TAF2: variants seen among roughly 807,000 people sequenced by gnomAD.
The protein encoded by TAF2 is transcription initiation factor TFIID subunit 2.
Under a neutral mutation model 138.5 loss-of-function variants are expected in TAF2, and 61 were observed. The observed-to-expected ratio is 0.44, with a 90% CI of 0.36 to 0.54. TAF2 has a LOEUF of 0.54. Ranked by LOEUF, TAF2 falls within the 20% of genes least tolerant of loss-of-function variation. The pLI is 0.00. For synonymous variants in TAF2, 475 were observed against 469.9 expected, an observed-to-expected ratio of 1.01 and a Z score of -0.14; for missense variants, 1,090 against 1,427.9, an observed-to-expected ratio of 0.76 and a Z score of 3.81.
Position 119,819,526 on chromosome 8 carries a change from C to T in TAF2, c.139-20G>A. 1 of 1,585,668 alleles carries T rather than the reference C, an allele frequency of 6.3e-7. No individual in the cohort carries two copies. Among genetic ancestry groups the T allele is most frequent in the Middle Eastern group, 1.7e-4 (1 of 5,952 alleles). The stretch of plus-strand genomic sequence containing the variant: ...AAATCCCTGTAAAGATAGAGAATAA[C>T]AACTTCATTATAAAGACTGGTATGT... On this transcript the variant is annotated intron_variant, in intron 2 of 25. Coordinates refer to ENST00000378164, the MANE Select transcript of TAF2 (RefSeq NM_003184.4).
At chr8:119,737,951 T>C (rs1047364185) in intron 25 of TAF2, among the ~76,000 whole-genome samples, 3 of 152,260 alleles carry the variant, frequency 2.0e-5, no homozygotes, top group African/African-American at 7.2e-5. Context: ...TACACAAATA[T>C]GTTAATTGGC....
intron 3 of TAF2, among the ~76,000 whole-genome samples, chr8:119,807,832 G>C (rs1824769872): frequency 6.6e-6 from 1 of 152,162 alleles, no homozygotes; most frequent in Non-Finnish European, 1.5e-5. Context: ...TGAGGCACGA[G>C]AATCACTTGA....
intron 18 of TAF2, among the ~76,000 whole-genome samples, chr8:119,774,308 T>C (rs1822064023): frequency 6.6e-6 from 1 of 152,186 alleles, no homozygotes; most frequent in Non-Finnish European, 1.5e-5. Context: ...AGTGTCTGAC[T>C]TAGAGAAAGA....
At chr8:119,787,861 G>A (rs544439370) in intron 14 of TAF2, among the ~76,000 whole-genome samples, 5 of 152,250 alleles carry the variant, frequency 3.3e-5, no homozygotes, top group African/African-American at 7.2e-5. Flanking sequence ...ATGATAAACT[G>A]GATAAAGAAA....
intron 22 of TAF2, among the ~76,000 whole-genome samples, chr8:119,749,590 C>T (rs1483718232): frequency 6.6e-6 from 1 of 152,072 alleles, no homozygotes; most frequent in African/African-American, 2.4e-5. Context: ...TAATTAATTG[C>T]CTGTTAGCTC....
In TAF2 at chr8:119,758,251, G is replaced by C. The variant is rs368245311; in HGVS notation, c.2699-109C>G. On this transcript the variant is annotated intron_variant, in intron 20 of 25. Coordinates refer to ENST00000378164, the MANE Select transcript of TAF2 (RefSeq NM_003184.4). ...TAATATTTAGGACTCTGCCTTAGCT[G>C]AGTTTTCAATCAGAGTTGAAGGTTA... is the stretch of plus-strand genomic sequence containing the variant. The C allele has an allele frequency of 2.4e-5, 23 of 964,990 alleles. 1 individual carries two copies. The highest frequency in any genetic ancestry group is 1.6e-4 in the East Asian group (6 of 37,728). The allele number at this position is 964,990 out of a possible 1,614,324, so 59.8% of individuals were successfully genotyped here. A position where few individuals can be genotyped will look rare whatever the true frequency, so the allele number is the denominator to read the frequency against.
At chr8:119,801,674 C>CA in intron 6 of TAF2, 120 bp downstream of exon 6, 1 of 899,740 alleles carries the variant, frequency 1.1e-6, no homozygotes, top group East Asian at 2.5e-5. Flanking sequence ...GTGATCCGCC[C>CA]ACCTTGGCCT....
chr8:119,736,441 AC>A (rs909908678), intron 25 of TAF2, among the ~76,000 whole-genome samples: 1 of 152,236 alleles, frequency 6.6e-6, no homozygotes, highest in Admixed American at 6.5e-5. Flanking sequence ...TGTCAAATGA[AC>A]TCAGTCCAAA....
At chr8:119,807,948 A>G (rs2131225236) in intron 3 of TAF2, among the ~76,000 whole-genome samples, 1 of 152,302 alleles carries the variant, frequency 6.6e-6, no homozygotes, top group South Asian at 2.1e-4. Context: ...AAAAATAAAA[A>G]GACAAGTTCC....
chr8:119,832,313 C>T (rs1027472697), intron 1 of TAF2, among the ~76,000 whole-genome samples, 169 bp downstream of exon 1: 1 of 152,052 alleles, frequency 6.6e-6, no homozygotes. Context: ...TGCTGAATAA[C>T]CTGTCATTCA....
chr8:119,776,526 C>CAA lies in TAF2; in HGVS notation c.2364+1491_2364+1492dup, dbSNP rs148890953. 3.1e-4 allele frequency among the ~76,000 whole-genome samples: 43 copies of CAA among 138,492 alleles called. 1 individual carries two copies. Among genetic ancestry groups the CAA allele is most frequent in the African/African-American group, 7.1e-4 (27 of 38,258 alleles). 90.9% of individuals were successfully genotyped at this position (138,492 alleles called of 152,430 possible). A position where few individuals can be genotyped will look rare whatever the true frequency, so the allele number is the denominator to read the frequency against. ...TGAAACCCCGTCTCTACTAAAAATA[C>CAA]AAAAAAAAAAAAATTAGCCGGGCGT... On this transcript the variant is annotated intron_variant, in intron 18 of 25. Transcript: ENST00000378164.
Position 119,788,404 on chromosome 8 carries a change from T to C in TAF2, c.1727A>G (p.Asn576Ser), listed in dbSNP as rs1218625747. ...GTTTTCTTCAATTTGCAGTGTATGATTGAAGGATCCATCTAACTCCTGCAC... is the reference window on the plus strand; with the variant it reads ...GTTTTCTTCAATTTGCAGTGTATGACTGAAGGATCCATCTAACTCCTGCAC... ...VTVQELDGSF[N>S]HTLQIEENSL... Residue 576 changes from asparagine to serine, a missense_variant, in exon 14 of 26, where the codon AAT (asparagine) becomes AGT (serine). Asn to Ser is a conservative substitution (Grantham distance 46). This residue lies in a region of TAF2 where 504 missense variants were observed against 680.9 expected (regional missense o/e 0.74). Coordinates refer to ENST00000378164, the MANE Select transcript of TAF2 (RefSeq NM_003184.4). 19 of 1,613,600 alleles carry C rather than the reference T, an allele frequency of 1.2e-5. No homozygotes were observed. Among genetic ancestry groups the C allele is most frequent in the South Asian group, 3.3e-5 (3 of 91,072 alleles).
rs1476611831 is a variant in TAF2, at chr8:119,731,335, C to T, written c.*589G>A. 2 of 152,186 alleles carry T rather than the reference C, an allele frequency of 1.3e-5. No homozygotes were observed. Among genetic ancestry groups the T allele is most frequent in the Non-Finnish European group, 2.9e-5 (2 of 68,054 alleles). 9.4% of individuals were successfully genotyped at this position (152,186 alleles called of 1,614,324 possible). On this transcript the variant is annotated 3_prime_UTR_variant, in exon 26 of 26. Coordinates refer to ENST00000378164, the MANE Select transcript of TAF2 (RefSeq NM_003184.4). ...TTTTTTTAAAAAAGAATTGCTTCCC[C>T]AAATCTCAGTATTTTAGAGCAAAAG...
At chr8:119,782,216 A>G (rs1822713820) in intron 16 of TAF2, among the ~76,000 whole-genome samples, 1 of 152,192 alleles carries the variant, frequency 6.6e-6, no homozygotes, top group Non-Finnish European at 1.5e-5. Context: ...AGCCAAATAC[A>G]GTGCTACTAT....
intron 25 of TAF2, among the ~76,000 whole-genome samples, chr8:119,733,912 G>A (rs1209670330): frequency 6.6e-6 from 1 of 152,086 alleles, no homozygotes; most frequent in Non-Finnish European, 1.5e-5. Context: ...TCTGCCTGAA[G>A]TATCTTATGG....
chr8:119,763,724 C>T (rs1316975434), intron 18 of TAF2, among the ~76,000 whole-genome samples: 2 of 151,762 alleles, frequency 1.3e-5, no homozygotes, highest in South Asian at 2.1e-4. Context: ...AGCAGGACTC[C>T]GTCTCAAGTG....
At chr8:119,759,594 C>T (rs1309419580) in intron 20 of TAF2, among the ~76,000 whole-genome samples, 4 of 152,092 alleles carry the variant, frequency 2.6e-5, no homozygotes, top group African/African-American at 7.2e-5. Flanking sequence ...ATATGCATTA[C>T]ATTTTACAAC....
chr8:119,799,421 C>T (rs868165508), intron 6 of TAF2, among the ~76,000 whole-genome samples: 2 of 151,818 alleles, frequency 1.3e-5, no homozygotes, highest in African/African-American at 2.4e-5. Context: ...GTTTTTTGTC[C>T]TTGCGAGTTT....
At chr8:119,811,572 C>T (rs1009449196) in intron 3 of TAF2, among the ~76,000 whole-genome samples, 6 of 151,760 alleles carry the variant, frequency 4.0e-5, no homozygotes, top group East Asian at 3.9e-4. Context: ...TTTGGGAGGC[C>T]GAGGCGGGCA....
Sources: gnomAD v4.1 joint callset for allele counts (sites outside exome capture counted in the v4.1 genomes callset) on GRCh38, gnomAD v4.1.1 for gene constraint, gnomAD v4.1.1 regional missense constraint, MANE v1.5 for transcripts, NCBI Gene and HGNC (gene_info 2026-07-23, HGNC 2026-07-21) for gene names.